Variants in KDELR2 observed in about 807,000 individuals in gnomAD.
KDELR2 encodes KDEL endoplasmic reticulum protein retention receptor 2, also known as ER lumen protein-retaining receptor 2.
KDELR2 carries 15 observed loss-of-function variants against 23.9 expected under a neutral mutation model. That is an observed-to-expected ratio of 0.63 (90% CI 0.42 to 0.97). KDELR2 has a LOEUF of 0.97. Among genes scored for constraint, KDELR2 ranks in the 50% least tolerant of loss-of-function variants. The pLI, the probability that KDELR2 is intolerant of heterozygous loss-of-function variation, is 0.00. For synonymous variants in KDELR2, 119 were observed against 106.2 expected (o/e 1.12, Z -0.74); for missense variants, 272 against 254.6 (o/e 1.07, Z -0.46).
intron 1 of KDELR2, among the ~76,000 whole-genome samples, chr7:6,481,398 T>C (rs1235441600): frequency 1.3e-5 from 2 of 148,562 alleles, no homozygotes; most frequent in Admixed American, 6.7e-5. Context: ...AAAAAAATCA[T>C]TATTCTGAAG....
rs752396403 is a variant in KDELR2 at position 6,474,179 on chromosome 7, C to G, written c.192+5G>C. On this transcript the variant is annotated splice_donor_5th_base_variant and intron_variant, in intron 2 of 4. Transcript: ENST00000258739. ...AAATACATTCCTGTGGATGGCATAC[C>G]ATACCTTCATAGATGTGTTATACAA... 6.4e-7 allele frequency: 1 copy of G among 1,561,494 alleles called. No individual in the cohort carries two copies. The highest frequency in any genetic ancestry group is 2.2e-5 in the East Asian group (1 of 44,624).
At chr7:6,475,175 G>A (rs534817806) in intron 1 of KDELR2, among the ~76,000 whole-genome samples, 1 of 152,290 alleles carries the variant, frequency 6.6e-6, no homozygotes, top group East Asian at 1.9e-4. Context: ...TAGGCATAGT[G>A]GTCATGCCTA....
In KDELR2 at chr7:6,465,342, C is replaced by G. The variant is rs183017682; in HGVS notation, c.604+729G>C. ...GGGACTACAGGCGCCCACCACCACGCCTGGCTAAGTTTTTTGTATTTTTAG... is the reference window on the plus strand; with the variant it reads ...GGGACTACAGGCGCCCACCACCACGGCTGGCTAAGTTTTTTGTATTTTTAG... On this transcript the variant is annotated intron_variant, in intron 4 of 4. Coordinates refer to ENST00000258739, the MANE Select transcript of KDELR2 (RefSeq NM_006854.4). Among the ~76,000 whole-genome samples the G allele has an allele frequency of 6.1e-3, 921 of 152,020 alleles. 9 individuals carry two copies. The highest frequency in any genetic ancestry group is 0.014 in the Middle Eastern group (4 of 294).
intron 1 of KDELR2, 116 bp downstream of exon 1, chr7:6,483,851 G>A (rs1785969543): frequency 7.7e-6 from 6 of 782,548 alleles, no homozygotes; most frequent in South Asian, 1.0e-4. Flanking sequence ...GCCGGCCGAG[G>A]GGGTGTGTCG....
At chr7:6,477,855 G>C (rs886371673) in intron 1 of KDELR2, among the ~76,000 whole-genome samples, 3 of 152,166 alleles carry the variant, frequency 2.0e-5, no homozygotes, top group Non-Finnish European at 4.4e-5. Flanking sequence ...TAACTACCCA[G>C]ATTAGACTAT....
intron 1 of KDELR2, among the ~76,000 whole-genome samples, chr7:6,477,094 A>T (rs1785769290): frequency 6.6e-6 from 1 of 152,242 alleles, no homozygotes; most frequent in South Asian, 2.1e-4. Flanking sequence ...TGTCCAGGTC[A>T]TACTGTGTCT....
intron 1 of KDELR2, among the ~76,000 whole-genome samples, chr7:6,481,378 AAAG>A (rs1159754182): frequency 4.6e-5 from 7 of 151,280 alleles, no homozygotes; most frequent in African/African-American, 1.5e-4. Context: ...AAAAAAAAAA[AAAG>A]AAAGAAAAAA....
intron 2 of KDELR2, chr7:6,473,959 A>G: frequency 5.3e-6 from 2 of 378,672 alleles, no homozygotes; most frequent in Middle Eastern, 7.2e-4. Context: ...ACTTCAAAGT[A>G]TTTTAATTAA....
rs955340294 is a variant in KDELR2, at chr7:6,461,393, C to G, written c.*1748G>C. The G allele has an allele frequency of 1.3e-5, 2 of 151,964 alleles. No homozygotes were observed. The highest frequency in any genetic ancestry group is 1.9e-4 in the East Asian group (1 of 5,178). The allele number at this position is 151,964 out of a possible 1,614,324, so 9.4% of individuals were successfully genotyped here. A position where few individuals can be genotyped will look rare whatever the true frequency, so the allele number is the denominator to read the frequency against. On this transcript the variant is annotated 3_prime_UTR_variant, in exon 5 of 5. Coordinates refer to ENST00000258739, the MANE Select transcript of KDELR2 (RefSeq NM_006854.4). ...TGTATCAGATTTGCATGCACAAAGA[C>G]AGGTGTGCGCCCCACCCACCCTGGG... is the stretch of plus-strand genomic sequence containing the variant.
rs981070714 is a variant in KDELR2, at chr7:6,467,687, G to A, written c.352-1364C>T. ...GAGGCAGGAGAATCGCTTGAACCCA[G>A]GAGGCGGAGGTTGCAGTGAGCCGAG... On this transcript the variant is annotated intron_variant, in intron 3 of 4. Transcript: ENST00000258739. Among the ~76,000 whole-genome samples the A allele has an allele frequency of 3.9e-5, 6 of 152,144 alleles. No homozygotes were observed. The East Asian group carries it at 1.2e-3, about 29-fold the overall frequency.
chr7:6,482,834 A>C (rs1426824524), intron 1 of KDELR2, among the ~76,000 whole-genome samples: 2 of 17,484 alleles, frequency 1.1e-4, no homozygotes, highest in Non-Finnish European at 2.7e-4. Flanking sequence ...AAAAATAGCA[A>C]AAAAAAAAAA....
Position 6,462,713 on chromosome 7 carries a change from C to A in KDELR2, c.*428G>T. ...GCCAAAAAATAAATATAGTGGAATGCAAGTTTGAGGGATGGAAGAATATAT... is the reference window on the plus strand; with the variant it reads ...GCCAAAAAATAAATATAGTGGAATGAAAGTTTGAGGGATGGAAGAATATAT... On this transcript the variant is annotated 3_prime_UTR_variant, in exon 5 of 5. Transcript: ENST00000258739. 2.9e-6 allele frequency: 1 copy of A among 345,980 alleles called. No individual in the cohort carries two copies. The allele number at this position is 345,980 out of a possible 1,614,324, so 21.4% of individuals were successfully genotyped here. A position where few individuals can be genotyped will look rare whatever the true frequency, so the allele number is the denominator to read the frequency against.
chr7:6,477,339 C>G (rs1785775137), intron 1 of KDELR2, among the ~76,000 whole-genome samples: 1 of 152,172 alleles, frequency 6.6e-6, no homozygotes, highest in South Asian at 2.1e-4. Flanking sequence ...ACTGTCCTGT[C>G]TTCATAGGAA....
At chr7:6,465,990 C>G in intron 4 of KDELR2, 81 bp downstream of exon 4, 1 of 1,437,370 alleles carries the variant, frequency 7.0e-7, no homozygotes, top group East Asian at 2.3e-5. Flanking sequence ...TGAGAGAGTG[C>G]CAGATTAGAA....
At chr7:6,471,615 G>A (rs1785644492) in intron 2 of KDELR2, among the ~76,000 whole-genome samples, 1 of 152,166 alleles carries the variant, frequency 6.6e-6, no homozygotes, top group Admixed American at 6.6e-5. Context: ...TCAAGTTGCA[G>A]TGTGTGTTGT....
intron 1 of KDELR2, among the ~76,000 whole-genome samples, chr7:6,479,450 C>T (rs73344908): frequency 0.065 from 9,870 of 152,138 alleles, 1,053 homozygotes; most frequent in African/African-American, 0.23. Context: ...CCACTAAGAC[C>T]GGCCAAGAAC....
intron 1 of KDELR2, among the ~76,000 whole-genome samples, chr7:6,476,371 G>A (rs942918269): frequency 1.3e-5 from 2 of 152,182 alleles, no homozygotes; most frequent in Admixed American, 6.5e-5. Context: ...TGTTCCAAAG[G>A]GGAAATGACA....
chr7:6,471,134 T>TA (rs1785627386), intron 2 of KDELR2, among the ~76,000 whole-genome samples: 2 of 136,092 alleles, frequency 1.5e-5, no homozygotes, highest in African/African-American at 5.6e-5. Flanking sequence ...AAAAAATAAA[T>TA]AAATAAATAA....
intron 1 of KDELR2, among the ~76,000 whole-genome samples, chr7:6,474,906 G>A (rs1028862914): frequency 6.6e-6 from 1 of 152,090 alleles, no homozygotes; most frequent in African/African-American, 2.4e-5. Flanking sequence ...CCAAAGCGTT[G>A]GCATTACAGG....
Sources: allele counts gnomAD v4.1 joint callset (sites outside exome capture counted in the v4.1 genomes callset), GRCh38; gene constraint gnomAD v4.1.1; transcripts MANE v1.5; gene names NCBI Gene and HGNC (gene_info 2026-07-23, HGNC 2026-07-21).